SIGLECL1: variants seen among roughly 807,000 people sequenced by gnomAD.
The protein encoded by SIGLECL1 is SIGLEC family like 1.
A neutral mutation model predicts 19.1 loss-of-function variants in SIGLECL1; 16 were observed. The ratio of observed to expected loss-of-function variants is 0.84; its 90% CI spans 0.57 to 1.27. SIGLECL1 has a LOEUF of 1.27. SIGLECL1 is among the 50% of genes most tolerant of loss of function. The pLI is 0.00. For synonymous variants in SIGLECL1, 89 were observed against 90.4 expected, an observed-to-expected ratio of 0.98 and a Z score of 0.09; for missense variants, 210 against 239.4, an observed-to-expected ratio of 0.88 and a Z score of 0.81.
intron 1 of SIGLECL1, among the ~76,000 whole-genome samples, chr19:51,253,581 C>T (rs1485474319): frequency 6.6e-6 from 1 of 152,156 alleles, no homozygotes; most frequent in Non-Finnish European, 1.5e-5. Flanking sequence ...CAGGAAGTAG[C>T]GACAAAGATT....
In SIGLECL1 at chr19:51,268,603, T is replaced by C. The variant is rs762497345; in HGVS notation, c.*6T>C. On this transcript the variant is annotated 3_prime_UTR_variant, in exon 6 of 6. Coordinates refer to ENST00000601727, the MANE Select transcript of SIGLECL1 (RefSeq NM_001385465.1). ...AAGATAAACGAGCCAGCTAAGCCTG[T>C]GGAACATGCCTCATACCTGGAGTCG... 7 of 1,613,800 alleles carry C rather than the reference T, an allele frequency of 4.3e-6. No individual in the cohort carries two copies. The highest frequency in any genetic ancestry group is 5.9e-6 in the Non-Finnish European group (7 of 1,179,924).
upstream of SIGLECL1, among the ~76,000 whole-genome samples, chr19:51,250,268 G>T (rs539674241): frequency 2.1e-4 from 32 of 152,172 alleles, no homozygotes; most frequent in Non-Finnish European, 1.0e-4. Context: ...TGTATTTTTA[G>T]TAGACAGGGT....
chr19:51,246,555 A>T (rs1982265220), upstream of SIGLECL1, among the ~76,000 whole-genome samples: 1 of 152,120 alleles, frequency 6.6e-6, no homozygotes. Flanking sequence ...CTCCATAACA[A>T]CTGTCTCAGC....
Position 51,265,900 on chromosome 19 carries a change from T to C in SIGLECL1, c.410+18T>C, listed in dbSNP as rs10410697. The C allele has an allele frequency of 3.1e-6, 5 of 1,612,718 alleles. No homozygotes were observed. The African/African-American group carries it at 5.4e-5, about 17-fold the overall frequency. On this transcript the variant is annotated intron_variant, in intron 4 of 5. Transcript: ENST00000601727. ...CCTCTCATGTGAGTACTAGGGTTAA[T>C]ATTCACCCGCAAGCCTACTACCGGG...
At chr19:51,251,922 G>C in intron 1 of SIGLECL1, among the ~76,000 whole-genome samples, 1 of 152,200 alleles carries the variant, frequency 6.6e-6, no homozygotes, top group Non-Finnish European at 1.5e-5. Context: ...TGAGAACAGA[G>C]AATATCCTGA....
chr19:51,250,699 G>A (rs1982427726), upstream of SIGLECL1, among the ~76,000 whole-genome samples: 1 of 152,230 alleles, frequency 6.6e-6, no homozygotes. Flanking sequence ...AGCACGGGCT[G>A]GAAAGGCCTT....
upstream of SIGLECL1, among the ~76,000 whole-genome samples, chr19:51,248,538 C>T (rs369951074): frequency 8.1e-4 from 124 of 152,242 alleles, no homozygotes; most frequent in African/African-American, 2.9e-3. Context: ...TGTTTATACC[C>T]CAAGTAACCT....
At chr19:51,247,946 A>G (rs1397189658), upstream of SIGLECL1, among the ~76,000 whole-genome samples, 1 of 152,102 alleles carries the variant, frequency 6.6e-6, no homozygotes, top group Non-Finnish European at 1.5e-5. Flanking sequence ...TTGTTTTCCA[A>G]ACTTTTCCTG....
chr19:51,267,525 T>C lies in SIGLECL1; in HGVS notation c.563T>C (p.Ile188Thr). ...PVVATFSESR[I>T]LEKQDKRAS ...GTCGCCACATTTTCTGAGAGCCGGA[T>C]ATTGGTATGTACCTATTGTGTCTGG... The change falls in exon 5 of 6, where the codon ATA becomes ACA. Residue 188 changes from isoleucine (I) to threonine (T), a missense_variant. Coordinates refer to ENST00000601727, the MANE Select transcript of SIGLECL1 (RefSeq NM_001385465.1). 6.2e-7 allele frequency: 1 copy of C among 1,614,146 alleles called. No individual in the cohort carries two copies. Among genetic ancestry groups the C allele is most frequent in the Non-Finnish European group, 8.5e-7 (1 of 1,180,018 alleles).
chr19:51,263,983 C>T lies in SIGLECL1; in HGVS notation c.-90C>T. ...ACATCCTCTTTCAGTTACGCATCAC[C>T]TCACTCCTTCTGAACCATATGGTTC... is the stretch of plus-strand genomic sequence containing the variant. On this transcript the variant is annotated 5_prime_UTR_variant, in exon 2 of 6. Transcript: ENST00000601727. 6.6e-7 allele frequency: 1 copy of T among 1,521,506 alleles called. No homozygotes were observed. The highest frequency in any genetic ancestry group is 9.0e-7 in the Non-Finnish European group (1 of 1,106,224). The allele number at this position is 1,521,506 out of a possible 1,614,324, so 94.3% of individuals were successfully genotyped here. A position where few individuals can be genotyped will look rare whatever the true frequency, so the allele number is the denominator to read the frequency against.
rs367836433 is a variant in SIGLECL1 at position 51,257,419 on chromosome 19, A to G, written c.-191+5874A>G. On this transcript the variant is annotated intron_variant, in intron 1 of 5. Coordinates refer to ENST00000601727, the MANE Select transcript of SIGLECL1 (RefSeq NM_001385465.1). Reference sequence around the variant, plus strand: ...AGCAAGAAACTGTCTCAAAAAAAAAAAAAAGAAAAGAAAAGAAAGAAAACA... The same window carrying G: ...AGCAAGAAACTGTCTCAAAAAAAAAGAAAAGAAAAGAAAAGAAAGAAAACA... Among the ~76,000 whole-genome samples the G allele has an allele frequency of 7.3e-5, 11 of 151,266 alleles. No individual in the cohort carries two copies. In the East Asian group the frequency reaches 1.5e-3, roughly 21 times the overall value.
Position 51,265,908 on chromosome 19 carries a change from C to T in SIGLECL1, c.410+26C>T, listed in dbSNP as rs367738016. Reference sequence around the variant, plus strand: ...GTGAGTACTAGGGTTAATATTCACCCGCAAGCCTACTACCGGGCAGGCCCT... The same window carrying T: ...GTGAGTACTAGGGTTAATATTCACCTGCAAGCCTACTACCGGGCAGGCCCT... On this transcript the variant is annotated intron_variant, in intron 4 of 5. Coordinates refer to ENST00000601727, the MANE Select transcript of SIGLECL1 (RefSeq NM_001385465.1). 44 of 1,609,164 alleles carry T rather than the reference C, an allele frequency of 2.7e-5. No homozygotes were observed. The Admixed American group carries it at 5.3e-4, about 20-fold the overall frequency.
At chr19:51,247,191 T>G (rs1274127414), upstream of SIGLECL1, among the ~76,000 whole-genome samples, 1 of 152,132 alleles carries the variant, frequency 6.6e-6, no homozygotes, top group African/African-American at 2.4e-5. Context: ...GGTCAGATGT[T>G]GAGCAGCGTC....
Position 51,268,505 on chromosome 19 carries a change from A to C in SIGLECL1, c.568-66A>C, listed in dbSNP as rs368979001. Reference sequence around the variant, plus strand: ...AAGGGGGTGTCTTTTTAAGATTTGGATACCTCACCTCTAGACCTGTTCCAA... The same window carrying C: ...AAGGGGGTGTCTTTTTAAGATTTGGCTACCTCACCTCTAGACCTGTTCCAA... On this transcript the variant is annotated intron_variant, in intron 5 of 5. Coordinates refer to ENST00000601727, the MANE Select transcript of SIGLECL1 (RefSeq NM_001385465.1). 5.1e-6 allele frequency: 8 copies of C among 1,556,266 alleles called. No homozygotes were observed. In the African/African-American group the frequency reaches 1.1e-4, roughly 21 times the overall value.
chr19:51,264,753 A>G (rs1225072743), intron 2 of SIGLECL1, among the ~76,000 whole-genome samples: 9 of 152,234 alleles, frequency 5.9e-5, no homozygotes, highest in Non-Finnish European at 7.3e-5. Flanking sequence ...AGAAGATGCC[A>G]TAGTACATTT....
At chr19:51,264,756 G>A (rs1387329956) in intron 2 of SIGLECL1, among the ~76,000 whole-genome samples, 1 of 152,170 alleles carries the variant, frequency 6.6e-6, no homozygotes. Flanking sequence ...AGATGCCATA[G>A]TACATTTGGC....
At chr19:51,257,396 C>A (rs866981636) in intron 1 of SIGLECL1, among the ~76,000 whole-genome samples, 16 of 140,492 alleles carry the variant, frequency 1.1e-4, no homozygotes, top group African/African-American at 3.6e-4. Context: ...GGTGACAGAG[C>A]AAGAAACTGT....
intron 4 of SIGLECL1, among the ~76,000 whole-genome samples, chr19:51,267,133 C>A (rs140622913): frequency 2.6e-5 from 4 of 152,260 alleles, no homozygotes; most frequent in African/African-American, 7.2e-5. Flanking sequence ...AATCTCTCTG[C>A]CAGTTGCAAG....
At chr19:51,250,080 G>T (rs1254802441), upstream of SIGLECL1, among the ~76,000 whole-genome samples, 1 of 149,420 alleles carries the variant, frequency 6.7e-6, no homozygotes, top group African/African-American at 2.5e-5. Context: ...GATTTGGCTG[G>T]CTTCTTTTTT....
Sources: allele counts gnomAD v4.1 joint callset (sites outside exome capture counted in the v4.1 genomes callset), GRCh38; gene constraint gnomAD v4.1.1; transcripts MANE v1.5; gene names NCBI Gene and HGNC (gene_info 2026-07-23, HGNC 2026-07-21).